Variants in PLCZ1 observed in about 807,000 individuals in gnomAD.
PLCZ1 encodes the protein 1-phosphatidylinositol 4,5-bisphosphate phosphodiesterase zeta-1.
A neutral mutation model predicts 76.8 loss-of-function variants in PLCZ1; 64 were observed. The ratio of observed to expected loss-of-function variants is 0.83; its 90% confidence interval spans 0.68 to 1.03. The LOEUF is 1.03. Among genes scored for constraint, PLCZ1 ranks in the 50% least tolerant of loss-of-function variants. PLCZ1 has a pLI of 0.00. For missense variants in PLCZ1, 751 were observed against 713.7 expected (o/e 1.05, Z -0.60); for synonymous variants, 248 against 230.8 (o/e 1.07, Z -0.68).
chr12:18,730,466 T>C (rs1366431164), intron 3 of PLCZ1, among the ~76,000 whole-genome samples: 1 of 152,154 alleles, frequency 6.6e-6, no homozygotes, highest in Non-Finnish European at 1.5e-5. Flanking sequence ...TTATCAGCCT[T>C]GTTTATATGT....
chr12:18,662,377 G>A, the PLCZ1 span, among the ~76,000 whole-genome samples: 7 of 151,772 alleles, frequency 4.6e-5, no homozygotes, highest in African/African-American at 1.7e-4. Context: ...TAATAAATGA[G>A]GGAGAAATAA....
At chr12:18,698,923 C>T (rs2137227788) in intron 10 of PLCZ1, among the ~76,000 whole-genome samples, 1 of 152,234 alleles carries the variant, frequency 6.6e-6, no homozygotes, top group Non-Finnish European at 1.5e-5. Flanking sequence ...CCCCCATACC[C>T]CTGCTACTAA....
At chr12:18,651,393 A>C in the PLCZ1 span, among the ~76,000 whole-genome samples, 1 of 152,050 alleles carries the variant, frequency 6.6e-6, no homozygotes, top group African/African-American at 2.4e-5. Context: ...CACCACTTTT[A>C]TCTTATGCAC....
intron 14 of PLCZ1, chr12:18,683,655 A>G: frequency 7.5e-7 from 1 of 1,327,042 alleles, no homozygotes; most frequent in Non-Finnish European, 9.9e-7. Flanking sequence ...AAGCATATTG[A>G]GACAAGGTAA....
At chr12:18,691,399 A>C (rs1954060692) in intron 12 of PLCZ1, among the ~76,000 whole-genome samples, 2 of 152,152 alleles carry the variant, frequency 1.3e-5, no homozygotes, top group African/African-American at 4.8e-5. Flanking sequence ...AATCATGTCC[A>C]ATTAAAGACT....
chr12:18,691,732 C>A (rs1565660854), intron 12 of PLCZ1, among the ~76,000 whole-genome samples: 1 of 152,134 alleles, frequency 6.6e-6, no homozygotes, highest in African/African-American at 2.4e-5. Flanking sequence ...GTAGTTAATT[C>A]TTTGCCAGAC....
intron 10 of PLCZ1, among the ~76,000 whole-genome samples, chr12:18,697,867 A>C (rs1054867453): frequency 2.1e-5 from 3 of 140,822 alleles, no homozygotes; most frequent in African/African-American, 8.4e-5. Context: ...ACCTTTGCAG[A>C]CATCATTGAT....
chr12:18,720,195 T>A (rs1284657942), intron 4 of PLCZ1, among the ~76,000 whole-genome samples: 1 of 152,130 alleles, frequency 6.6e-6, no homozygotes. Flanking sequence ...TAGTTATACA[T>A]TGCTCATTCC....
rs114894255 is a variant in PLCZ1, at chr12:18,717,214, T to C, written c.569+2217A>G. On this transcript the variant is annotated intron_variant, in intron 5 of 14. Transcript: ENST00000266505. ...ATATATATTTCTAAATATAACTGCT[T>C]TAATATTTATATTTTCTCTCTTAAA... 7.3e-3 allele frequency among the ~76,000 whole-genome samples: 1,110 copies of C among 152,210 alleles called. 11 individuals are homozygous for C. Among genetic ancestry groups the C allele is most frequent in the African/African-American group, 0.026 (1,063 of 41,562 alleles).
chr12:18,720,538 G>A (rs2066487694), intron 4 of PLCZ1, among the ~76,000 whole-genome samples: 1 of 151,476 alleles, frequency 6.6e-6, no homozygotes, highest in Non-Finnish European at 1.5e-5. Flanking sequence ...ATATGATCTT[G>A]AGCATATTAG....
chr12:18,724,395 C>T (rs572294596), intron 3 of PLCZ1, among the ~76,000 whole-genome samples: 1 of 152,092 alleles, frequency 6.6e-6, no homozygotes, highest in East Asian at 1.9e-4. Flanking sequence ...ACTATAGTAT[C>T]ACTAACAAAT....
At chr12:18,728,230 A>G (rs1181345066) in intron 3 of PLCZ1, among the ~76,000 whole-genome samples, 2 of 152,214 alleles carry the variant, frequency 1.3e-5, no homozygotes, top group Non-Finnish European at 2.9e-5. Context: ...AGACCCAGAC[A>G]TGAGTTTCTA....
chr12:18,662,590 C>T, the PLCZ1 span, among the ~76,000 whole-genome samples: 3 of 152,046 alleles, frequency 2.0e-5, no homozygotes, highest in Non-Finnish European at 4.4e-5. Flanking sequence ...TAACTTTGGT[C>T]TGCAGCTATA....
At chr12:18,688,263 T>C (rs1305041466) in intron 12 of PLCZ1, 45 bp from the exon 13 acceptor site, 3 of 1,552,380 alleles carry the variant, frequency 1.9e-6, no homozygotes, top group East Asian at 4.5e-5. Context: ...AGATATTAAG[T>C]TACATCACCA....
At chr12:18,685,197 A>T (rs1008881068) in intron 13 of PLCZ1, among the ~76,000 whole-genome samples, 2 of 152,060 alleles carry the variant, frequency 1.3e-5, no homozygotes, top group Admixed American at 1.3e-4. Context: ...CCTTCTTTAG[A>T]CTAAGTGCTC....
chr12:18,722,783 A>T (rs560986007), intron 4 of PLCZ1, among the ~76,000 whole-genome samples: 1 of 152,208 alleles, frequency 6.6e-6, no homozygotes, highest in East Asian at 1.9e-4. Context: ...ATGAAGAACA[A>T]GCGAAAAGTA....
chr12:18,672,378 T>A, the PLCZ1 span, among the ~76,000 whole-genome samples: 3 of 152,150 alleles, frequency 2.0e-5, no homozygotes, highest in Non-Finnish European at 4.4e-5. Flanking sequence ...CTTTTACTCA[T>A]TATGTTATGT....
chr12:18,732,588 A>G (rs1959117235), intron 3 of PLCZ1, among the ~76,000 whole-genome samples: 1 of 152,336 alleles, frequency 6.6e-6, no homozygotes, highest in South Asian at 2.1e-4. Context: ...TTTGTGCCGT[A>G]TAACAGAAAC....
chr12:18,649,526 A>C, the PLCZ1 span, among the ~76,000 whole-genome samples: 1 of 151,942 alleles, frequency 6.6e-6, no homozygotes, highest in Non-Finnish European at 1.5e-5. Context: ...TCGTTACCCC[A>C]CTTCCCTGCC....
Sources: gnomAD v4.1 joint callset for allele counts (sites outside exome capture counted in the v4.1 genomes callset) on GRCh38, gnomAD v4.1.1 for gene constraint, MANE v1.5 for transcripts, NCBI Gene and HGNC (gene_info 2026-07-23, HGNC 2026-07-21) for gene names.